The following MEGF9 variants were observed in gnomAD, a reference collection of about 807,000 sequenced individuals.
The protein encoded by MEGF9 is multiple EGF like domains 9.
MEGF9 carries 6 observed loss-of-function variants against 46.8 expected under a neutral mutation model. That is an observed-to-expected ratio of 0.13 (90% confidence interval 0.07 to 0.25). The LOEUF (loss-of-function observed/expected upper bound fraction) is 0.25, where lower values mean the gene tolerates loss of function less well. Among genes scored for constraint, MEGF9 ranks in the 10% least tolerant of loss-of-function variants. MEGF9 has a pLI of 1.00. For synonymous variants in MEGF9, 302 were observed against 330.7 expected (o/e 0.91, Z 0.94); for missense variants, 683 against 792.4 (o/e 0.86, Z 1.66).
At chr9:120,627,146 AAGAG>A (rs1367972987) in intron 2 of MEGF9, among the ~76,000 whole-genome samples, 1 of 152,244 alleles carries the variant, frequency 6.6e-6, no homozygotes, top group African/African-American at 2.4e-5. Context: ...TGGCTAGAAA[AAGAG>A]AGCACATTAT....
intron 3 of MEGF9, among the ~76,000 whole-genome samples, chr9:120,616,086 A>G (rs904626013): frequency 3.3e-5 from 5 of 152,114 alleles, no homozygotes; most frequent in Non-Finnish European, 7.3e-5. Context: ...GCCCTTTCAG[A>G]GTTTTTCTCC....
chr9:120,608,755 G>A (rs1036789867), intron 4 of MEGF9, among the ~76,000 whole-genome samples: 1 of 152,164 alleles, frequency 6.6e-6, no homozygotes, highest in African/African-American at 2.4e-5. Context: ...CTAGATCTCA[G>A]TGAATGGTAC....
intron 4 of MEGF9, among the ~76,000 whole-genome samples, chr9:120,609,125 T>A (rs2043433289): frequency 6.6e-6 from 1 of 152,194 alleles, no homozygotes; most frequent in Non-Finnish European, 1.5e-5. Flanking sequence ...GTACTTTTCA[T>A]AATCTGACCT....
At chr9:120,659,724 C>T (rs771426670) in intron 1 of MEGF9, 149 bp from the exon 2 acceptor site, 6 of 689,112 alleles carry the variant, frequency 8.7e-6, no homozygotes, top group Non-Finnish European at 1.2e-5. Context: ...TACTTTCTAT[C>T]CCGTTTAGTT....
chr9:120,663,205 A>G (rs1226843267), intron 1 of MEGF9, among the ~76,000 whole-genome samples: 1 of 152,192 alleles, frequency 6.6e-6, no homozygotes, highest in Non-Finnish European at 1.5e-5. Flanking sequence ...AAAGTAAACC[A>G]AGTGCCAGGG....
At chr9:120,664,443 T>TA (rs958558484) in intron 1 of MEGF9, among the ~76,000 whole-genome samples, 3 of 152,104 alleles carry the variant, frequency 2.0e-5, no homozygotes, top group African/African-American at 7.2e-5. Context: ...CCTTTGCAGA[T>TA]AAAAAACCAT....
intron 1 of MEGF9, among the ~76,000 whole-genome samples, chr9:120,669,269 C>T (rs901930234): frequency 6.6e-6 from 1 of 152,266 alleles, no homozygotes; most frequent in East Asian, 1.9e-4. Flanking sequence ...TCTCATATTT[C>T]TCCACATTTC....
intron 1 of MEGF9, among the ~76,000 whole-genome samples, chr9:120,711,576 T>C (rs1041482017): frequency 2.6e-5 from 4 of 152,204 alleles, no homozygotes; most frequent in Non-Finnish European, 4.4e-5. Flanking sequence ...TGTGGACTTC[T>C]GGTTGTTTAT....
intron 1 of MEGF9, among the ~76,000 whole-genome samples, chr9:120,702,321 G>A (rs1406713182): frequency 6.6e-6 from 1 of 152,110 alleles, no homozygotes; most frequent in East Asian, 1.9e-4. Flanking sequence ...TAGTTAAGTG[G>A]CCCTGGGTAA....
chr9:120,660,944 T>G (rs2043699325), intron 1 of MEGF9, among the ~76,000 whole-genome samples: 1 of 152,154 alleles, frequency 6.6e-6, no homozygotes, highest in African/African-American at 2.4e-5. Context: ...CTATTTTTGA[T>G]GACTTCAAAA....
intron 2 of MEGF9, among the ~76,000 whole-genome samples, chr9:120,629,232 G>T (rs1021845878): frequency 6.6e-6 from 1 of 152,084 alleles, no homozygotes; most frequent in Non-Finnish European, 1.5e-5. Flanking sequence ...CTTCAGCCTT[G>T]TTCTCCCAAA....
chr9:120,693,504 G>T (rs79662464), intron 1 of MEGF9, among the ~76,000 whole-genome samples: 1 of 152,120 alleles, frequency 6.6e-6, no homozygotes, highest in Non-Finnish European at 1.5e-5. Flanking sequence ...AAAGAGAAAT[G>T]CTTACATTCT....
intron 1 of MEGF9, among the ~76,000 whole-genome samples, chr9:120,674,154 T>C (rs1470677124): frequency 6.6e-6 from 1 of 151,932 alleles, no homozygotes; most frequent in East Asian, 1.9e-4. Context: ...TTGGACTTTA[T>C]TAAAATGAAA....
At chr9:120,631,050 G>C (rs534494463) in intron 2 of MEGF9, among the ~76,000 whole-genome samples, 217 of 152,208 alleles carry the variant, frequency 1.4e-3, no homozygotes, top group African/African-American at 5.1e-3. Context: ...CAAAATCTCT[G>C]CCCAGAGCAC....
chr9:120,686,805 T>G (rs1009724336), intron 1 of MEGF9, among the ~76,000 whole-genome samples: 1 of 152,212 alleles, frequency 6.6e-6, no homozygotes, highest in African/African-American at 2.4e-5. Flanking sequence ...CAATATAGCA[T>G]AGTACTTGGC....
chr9:120,675,301 G>A (rs2043767769), intron 1 of MEGF9, among the ~76,000 whole-genome samples: 1 of 152,180 alleles, frequency 6.6e-6, no homozygotes, highest in Admixed American at 6.5e-5. Context: ...AGTGGACCTA[G>A]TCTGGCTAGG....
At chr9:120,682,911 T>C (rs1217512660) in intron 1 of MEGF9, among the ~76,000 whole-genome samples, 2 of 152,174 alleles carry the variant, frequency 1.3e-5, no homozygotes, top group Non-Finnish European at 2.9e-5. Flanking sequence ...GAATATTTTG[T>C]AGATTACTAG....
intron 2 of MEGF9, among the ~76,000 whole-genome samples, chr9:120,652,313 C>A (rs1246700009): frequency 6.6e-6 from 1 of 150,650 alleles, no homozygotes; most frequent in Non-Finnish European, 1.5e-5. Context: ...TGGTAAAACC[C>A]TGTCTCTACA....
At chr9:120,645,139 A>G (rs2043620019) in intron 2 of MEGF9, among the ~76,000 whole-genome samples, 1 of 152,174 alleles carries the variant, frequency 6.6e-6, no homozygotes, top group Admixed American at 6.5e-5. Flanking sequence ...TTATATTTTG[A>G]GTGACTAAAG....
Sources: gnomAD v4.1 joint callset for allele counts (sites outside exome capture counted in the v4.1 genomes callset) on GRCh38, gnomAD v4.1.1 for gene constraint, MANE v1.5 for transcripts, NCBI Gene and HGNC (gene_info 2026-07-23, HGNC 2026-07-21) for gene names.